The following CECR2 variants were observed in gnomAD, a reference collection of about 807,000 sequenced individuals.
The protein encoded by CECR2 is chromatin remodeling regulator CECR2.
A neutral mutation model predicts 154.5 loss-of-function variants in CECR2; 30 were observed. That is an observed-to-expected ratio of 0.19 (90% CI 0.15 to 0.26). The LOEUF is 0.26. Among genes scored for constraint, CECR2 ranks in the 10% least tolerant of loss-of-function variants. The pLI is 1.00. For missense variants in CECR2, 1,743 were observed against 1,829.3 expected, an observed-to-expected ratio of 0.95 and a Z score of 0.86; for synonymous variants, 725 against 683.7, an observed-to-expected ratio of 1.06 and a Z score of -0.94.
At chr22:17,469,980 G>C (rs1446724893) in intron 1 of CECR2, among the ~76,000 whole-genome samples, 1 of 152,160 alleles carries the variant, frequency 6.6e-6, no homozygotes, top group Non-Finnish European at 1.5e-5. Context: ...TGTGTCCCCA[G>C]CACATAACAG....
rs1156948102 is a variant in CECR2, at chr22:17,556,032, T to A, written c.*3192T>A. The A allele has an allele frequency of 1.3e-5, 2 of 152,182 alleles. No homozygotes were observed. Among genetic ancestry groups the A allele is most frequent in the Admixed American group, 6.5e-5 (1 of 15,276 alleles). The allele number at this position is 152,182 out of a possible 1,614,324, so 9.4% of individuals were successfully genotyped here. A position where few individuals can be genotyped will look rare whatever the true frequency, so the allele number is the denominator to read the frequency against. On this transcript the variant is annotated 3_prime_UTR_variant, in exon 19 of 19. Coordinates refer to ENST00000262608, the MANE Select transcript of CECR2 (RefSeq NM_001290047.2). ...AATTCAGCTACTTTTTCCCCTCAGT[T>A]AAAAGGTAGCAGGAGCTATTGGCTG...
rs532736886 is a variant in CECR2 at position 17,404,574 on chromosome 22, C to T, written c.126+34665C>T. ...ATTTTTAGTAGAGACGGGGTTTCAC[C>T]GTTTTAGCCGGGATGGTCTCGATCT... On this transcript the variant is annotated intron_variant, in intron 1 of 18. Transcript: ENST00000262608. Among the ~76,000 whole-genome samples the T allele has an allele frequency of 1.4e-3, 206 of 142,402 alleles. 16 individuals carry two copies. In the East Asian group the frequency reaches 0.03, roughly 21 times the overall value. The allele number at this position is 142,402 out of a possible 152,430, so 93.4% of individuals were successfully genotyped here. A position where few individuals can be genotyped will look rare whatever the true frequency, so the allele number is the denominator to read the frequency against.
chr22:17,438,434 C>T (rs980007542), intron 1 of CECR2, among the ~76,000 whole-genome samples: 3 of 152,096 alleles, frequency 2.0e-5, no homozygotes, highest in South Asian at 2.1e-4. Flanking sequence ...TCCTTAGTAC[C>T]GTGATTTGGT....
chr22:17,503,971 C>T lies in CECR2; in HGVS notation c.700+840C>T, dbSNP rs146663493. ...CTGAGGCAGGAGAATCACTTGAATCCAGGAGGCGGAGGCTGCAGTGAGCTG... is the reference window on the plus strand; with the variant it reads ...CTGAGGCAGGAGAATCACTTGAATCTAGGAGGCGGAGGCTGCAGTGAGCTG... On this transcript the variant is annotated intron_variant, in intron 6 of 18. Coordinates refer to ENST00000262608, the MANE Select transcript of CECR2 (RefSeq NM_001290047.2). Among the ~76,000 whole-genome samples, 4 of 152,058 alleles carry T rather than the reference C, an allele frequency of 2.6e-5. No homozygotes were observed. The East Asian group carries it at 7.7e-4, about 29-fold the overall frequency.
rs1388670836 is a variant in CECR2 at position 17,553,998 on chromosome 22, A to G, written c.*1158A>G. 1 of 152,228 alleles carries G rather than the reference A, an allele frequency of 6.6e-6. No homozygotes were observed. The highest frequency in any genetic ancestry group is 1.5e-5 in the Non-Finnish European group (1 of 68,048). 9.4% of individuals were successfully genotyped at this position (152,228 alleles called of 1,614,324 possible). A position where few individuals can be genotyped will look rare whatever the true frequency, so the allele number is the denominator to read the frequency against. On this transcript the variant is annotated 3_prime_UTR_variant, in exon 19 of 19. Coordinates refer to ENST00000262608, the MANE Select transcript of CECR2 (RefSeq NM_001290047.2). ...AATTTAGGAATATTTCAGTATATAT[A>G]GTTTTTATTCGTTTTAAGTGAATCA...
At chr22:17,407,016 C>T (rs544761496) in intron 1 of CECR2, among the ~76,000 whole-genome samples, 2 of 151,978 alleles carry the variant, frequency 1.3e-5, no homozygotes, top group South Asian at 4.1e-4. Flanking sequence ...CATTTAAGTA[C>T]AAATCAAAAA....
chr22:17,544,497 CAAA>C (rs34885224), intron 16 of CECR2, among the ~76,000 whole-genome samples: 4 of 57,378 alleles, frequency 7.0e-5, no homozygotes, highest in African/African-American at 6.6e-5. Flanking sequence ...GACTCCATCT[CAAA>C]AAAAAAAAAA....
At chr22:17,510,443 C>G (rs2055922993) in intron 7 of CECR2, among the ~76,000 whole-genome samples, 1 of 151,146 alleles carries the variant, frequency 6.6e-6, no homozygotes, top group Non-Finnish European at 1.5e-5. Context: ...GCACTCCATC[C>G]TCGGCGACAG....
At chr22:17,411,157 T>C (rs1366353867) in intron 1 of CECR2, among the ~76,000 whole-genome samples, 1 of 152,248 alleles carries the variant, frequency 6.6e-6, no homozygotes, top group Non-Finnish European at 1.5e-5. Context: ...TTGCATGGCC[T>C]TTAGCGTTAG....
chr22:17,500,775 G>A, intron 5 of CECR2, 40 bp downstream of exon 5: 1 of 1,327,608 alleles, frequency 7.5e-7, no homozygotes, highest in Non-Finnish European at 1.0e-6. Context: ...GACCATGGCA[G>A]AAGGGACCTT....
chr22:17,490,165 G>A (rs2055501835), intron 2 of CECR2, among the ~76,000 whole-genome samples: 1 of 151,544 alleles, frequency 6.6e-6, no homozygotes, highest in Non-Finnish European at 1.5e-5. Context: ...GTGTGTGTGT[G>A]TGTTTGGTCT....
chr22:17,520,547 T>A (rs2056139567), intron 8 of CECR2, among the ~76,000 whole-genome samples: 1 of 152,170 alleles, frequency 6.6e-6, no homozygotes, highest in South Asian at 2.1e-4. Context: ...TTACATTAGG[T>A]ATTTCTCCTA....
intron 1 of CECR2, among the ~76,000 whole-genome samples, chr22:17,361,712 C>T (rs1384423733): frequency 6.6e-6 from 1 of 151,036 alleles, no homozygotes; most frequent in East Asian, 1.9e-4. Flanking sequence ...CACTTCACTC[C>T]AGCCTGGGCA....
chr22:17,459,472 T>TG (rs1212775662), intron 1 of CECR2, among the ~76,000 whole-genome samples: 4 of 150,176 alleles, frequency 2.7e-5, no homozygotes, highest in African/African-American at 7.4e-5. Context: ...TTTGTGTGTG[T>TG]TTTTTTTTGT....
At chr22:17,436,850 G>A (rs915448312) in intron 1 of CECR2, among the ~76,000 whole-genome samples, 9 of 152,188 alleles carry the variant, frequency 5.9e-5, no homozygotes, top group African/African-American at 2.2e-4. Flanking sequence ...GGGCTCTTGC[G>A]CCTCTGGCTT....
chr22:17,533,024 AT>A (rs1451852509), intron 9 of CECR2, among the ~76,000 whole-genome samples: 2 of 151,862 alleles, frequency 1.3e-5, no homozygotes, highest in Non-Finnish European at 2.9e-5. Flanking sequence ...TTATTAAAAG[AT>A]AGCATGACCC....
At chr22:17,368,561 C>A (rs1601229208), upstream of CECR2, among the ~76,000 whole-genome samples, 1 of 152,200 alleles carries the variant, frequency 6.6e-6, no homozygotes, top group African/African-American at 2.4e-5. Flanking sequence ...CTAAAGCACA[C>A]ACTCCAACAC....
intron 7 of CECR2, among the ~76,000 whole-genome samples, chr22:17,511,294 G>T (rs979134065): frequency 6.6e-6 from 1 of 152,132 alleles, no homozygotes; most frequent in Non-Finnish European, 1.5e-5. Flanking sequence ...CCAGCCTGGT[G>T]CATTTCCTTG....
intron 7 of CECR2, among the ~76,000 whole-genome samples, chr22:17,511,023 C>G (rs1013619221): frequency 6.6e-6 from 1 of 152,202 alleles, no homozygotes; most frequent in East Asian, 1.9e-4. Flanking sequence ...AATTCCTTAC[C>G]TAATGGATTA....
Sources: allele counts gnomAD v4.1 joint callset (sites outside exome capture counted in the v4.1 genomes callset), GRCh38; gene constraint gnomAD v4.1.1; transcripts MANE v1.5; gene names NCBI Gene and HGNC (gene_info 2026-07-23, HGNC 2026-07-21).